The following HPSE2 variants were observed in gnomAD, a reference collection of about 807,000 sequenced individuals.
The protein encoded by HPSE2 is inactive heparanase-2.
A neutral mutation model predicts 60.5 loss-of-function variants in HPSE2; 38 were observed. That is an observed-to-expected ratio of 0.63 (90% CI 0.48 to 0.82). HPSE2 has a LOEUF of 0.82. Among genes scored for constraint, HPSE2 ranks in the 40% least tolerant of loss-of-function variants. The probability of loss-of-function intolerance (pLI) is 0.00; values close to 1 mark genes in which losing one functional copy is unlikely to be tolerated. For missense variants in HPSE2, 713 were observed against 740.4 expected (o/e 0.96, Z 0.43); for synonymous variants, 295 against 293.2 (o/e 1.01, Z -0.06).
intron 3 of HPSE2, among the ~76,000 whole-genome samples, chr10:99,070,952 A>AT (rs1487440830): frequency 7.2e-5 from 11 of 152,284 alleles, no homozygotes; most frequent in South Asian, 6.2e-4. Context: ...GTTGTTGTGA[A>AT]TAATGCTGCA....
intron 3 of HPSE2, among the ~76,000 whole-genome samples, chr10:98,888,499 T>C (rs554565352): frequency 1.8e-4 from 28 of 152,308 alleles, no homozygotes; most frequent in African/African-American, 6.7e-4. Context: ...GAATCAGATA[T>C]CATCTCACCT....
chr10:98,962,580 G>C (rs1303686786), intron 3 of HPSE2, among the ~76,000 whole-genome samples: 2 of 151,044 alleles, frequency 1.3e-5, no homozygotes, highest in East Asian at 1.9e-4. Flanking sequence ...GTTCTGGCCA[G>C]AGCAATCAGG....
chr10:98,994,474 C>A (rs906098552), intron 3 of HPSE2, among the ~76,000 whole-genome samples: 5 of 152,086 alleles, frequency 3.3e-5, no homozygotes, highest in African/African-American at 1.2e-4. Context: ...TGGGACCCTT[C>A]CCAAACAGGC....
chr10:98,538,539 C>T (rs926701325), intron 9 of HPSE2, among the ~76,000 whole-genome samples: 8 of 152,038 alleles, frequency 5.3e-5, no homozygotes, highest in Admixed American at 5.2e-4. Flanking sequence ...ATTAAGAAGG[C>T]CTAGGTCAGT....
At chr10:99,074,094 T>C (rs1402652793) in intron 3 of HPSE2, among the ~76,000 whole-genome samples, 1 of 152,158 alleles carries the variant, frequency 6.6e-6, no homozygotes, top group Admixed American at 6.5e-5. Context: ...CAGTATAATT[T>C]TGAACAGAAG....
chr10:99,192,675 G>A (rs188680273), intron 2 of HPSE2, among the ~76,000 whole-genome samples: 4 of 152,116 alleles, frequency 2.6e-5, no homozygotes, highest in Admixed American at 2.6e-4. Context: ...GGGCTCAAGC[G>A]ATCCTCAGCT....
intron 3 of HPSE2, among the ~76,000 whole-genome samples, chr10:98,757,148 G>A (rs1333500366): frequency 6.6e-6 from 1 of 151,972 alleles, no homozygotes; most frequent in Non-Finnish European, 1.5e-5. Flanking sequence ...TGTTAAACAT[G>A]CTCAACAAAG....
intron 3 of HPSE2, among the ~76,000 whole-genome samples, chr10:98,804,520 A>G (rs1044123889): frequency 1.3e-5 from 2 of 152,202 alleles, no homozygotes; most frequent in Non-Finnish European, 2.9e-5. Context: ...GCATACAGGC[A>G]CATGAAATGG....
chr10:98,519,272 A>C (rs1338686910), intron 9 of HPSE2, among the ~76,000 whole-genome samples: 1 of 152,224 alleles, frequency 6.6e-6, no homozygotes, highest in East Asian at 1.9e-4. Flanking sequence ...AAAGTCTCAC[A>C]CCTTGAAGAG....
At chr10:99,298,186 C>T in the HPSE2 span, among the ~76,000 whole-genome samples, 7 of 152,300 alleles carry the variant, frequency 4.6e-5, no homozygotes, top group South Asian at 1.5e-3. Context: ...ACGCTGTCTA[C>T]CCTTCCCTTC....
chr10:98,563,833 G>C (rs1380930947), intron 9 of HPSE2, among the ~76,000 whole-genome samples: 1 of 152,006 alleles, frequency 6.6e-6, no homozygotes, highest in Non-Finnish European at 1.5e-5. Flanking sequence ...GTGAATCATA[G>C]CACTTTCCAC....
chr10:99,219,584 A>C (rs1306181263), intron 2 of HPSE2, among the ~76,000 whole-genome samples: 3 of 152,204 alleles, frequency 2.0e-5, no homozygotes, highest in Non-Finnish European at 4.4e-5. Flanking sequence ...AGTTCATTTA[A>C]GAATGTCATG....
intron 9 of HPSE2, among the ~76,000 whole-genome samples, chr10:98,603,139 A>G (rs1001795658): frequency 2.0e-5 from 3 of 152,214 alleles, no homozygotes; most frequent in Non-Finnish European, 4.4e-5. Context: ...AGGTGAGGAC[A>G]CAGGGCAAAC....
At chr10:98,611,109 G>A (rs1428227436) in intron 9 of HPSE2, among the ~76,000 whole-genome samples, 2 of 152,234 alleles carry the variant, frequency 1.3e-5, no homozygotes, top group Non-Finnish European at 2.9e-5. Flanking sequence ...GCCAGGGGAA[G>A]GGAGTGGGAG....
chr10:98,728,737 G>T (rs2134277036), intron 4 of HPSE2, among the ~76,000 whole-genome samples: 1 of 152,302 alleles, frequency 6.6e-6, no homozygotes, highest in South Asian at 2.1e-4. Flanking sequence ...GGTGGGTGTG[G>T]TGGCTCATGC....
intron 3 of HPSE2, among the ~76,000 whole-genome samples, chr10:99,015,037 CA>C (rs1243776455): frequency 1.3e-5 from 2 of 152,140 alleles, no homozygotes; most frequent in African/African-American, 4.8e-5. Flanking sequence ...CAAAAGAAGA[CA>C]TTTATGCAGC....
chr10:98,543,300 G>C (rs983994024), intron 9 of HPSE2, among the ~76,000 whole-genome samples: 1 of 151,912 alleles, frequency 6.6e-6, no homozygotes, highest in Non-Finnish European at 1.5e-5. Flanking sequence ...TCACCACCAG[G>C]CCTGCCGTAA....
In HPSE2 at chr10:98,933,817, C is replaced by T. The variant is rs551369702; in HGVS notation, c.611-189761G>A. 1.0e-4 allele frequency among the ~76,000 whole-genome samples: 14 copies of T among 139,268 alleles called. 2 individuals are homozygous for T. The highest frequency in any genetic ancestry group is 6.1e-4 in the East Asian group (3 of 4,942). The allele number at this position is 139,268 out of a possible 152,430, so 91.4% of individuals were successfully genotyped here. A position where few individuals can be genotyped will look rare whatever the true frequency, so the allele number is the denominator to read the frequency against. On this transcript the variant is annotated intron_variant, in intron 3 of 11. Coordinates refer to ENST00000370552, the MANE Select transcript of HPSE2 (RefSeq NM_021828.5). ...TGTGATCTCGGCTCACTGCAAGCTC[C>T]GCCTCCTGGGTTCACGCCATTCTCC...
chr10:99,121,300 G>A (rs999971360), intron 3 of HPSE2, among the ~76,000 whole-genome samples: 5 of 152,116 alleles, frequency 3.3e-5, no homozygotes, highest in Non-Finnish European at 7.4e-5. Flanking sequence ...AGAGGGTGGA[G>A]GGTGGGAGGA....
Sources: allele counts gnomAD v4.1 joint callset (sites outside exome capture counted in the v4.1 genomes callset), GRCh38; gene constraint gnomAD v4.1.1; transcripts MANE v1.5; gene names NCBI Gene and HGNC (gene_info 2026-07-23, HGNC 2026-07-21).